Variants in HIPK2 observed in about 807,000 individuals in gnomAD.
HIPK2 encodes the protein homeodomain interacting protein kinase 2.
HIPK2 carries 27 observed loss-of-function variants against 113.7 expected under a neutral mutation model. The ratio of observed to expected loss-of-function variants is 0.24; its 90% CI spans 0.17 to 0.33. The LOEUF (loss-of-function observed/expected upper bound fraction) is 0.33, where lower values mean the gene tolerates loss of function less well. Ranked by LOEUF, HIPK2 falls within the 10% of genes least tolerant of loss-of-function variation. HIPK2 has a pLI of 1.00. For synonymous variants in HIPK2, 631 were observed against 642.2 expected, an observed-to-expected ratio of 0.98 and a Z score of 0.26; for missense variants, 1,257 against 1,588.0, an observed-to-expected ratio of 0.79 and a Z score of 3.54.
Position 139,568,062 on chromosome 7 carries a change from A to G in HIPK2, c.*4865T>C, listed in dbSNP as rs1329073975. ...TCACACGGCCTAAATCTTCCACCCC[A>G]AGCTTGTTCCAATATGAGTGTTTGC... On this transcript the variant is annotated 3_prime_UTR_variant, in exon 15 of 15. Transcript: ENST00000406875. 6.6e-6 allele frequency: 1 copy of G among 152,304 alleles called. No homozygotes were observed. Among genetic ancestry groups the G allele is most frequent in the East Asian group, 1.9e-4 (1 of 5,184 alleles). 9.4% of individuals were successfully genotyped at this position (152,304 alleles called of 1,614,324 possible). A position where few individuals can be genotyped will look rare whatever the true frequency, so the allele number is the denominator to read the frequency against.
rs1464448541 is a variant in HIPK2, at chr7:139,567,438, A to G, written c.*5489T>C. Reference sequence around the variant, plus strand: ...AAGGACAGAGAGGAAAGAGAAAGACAAATAGAATTGCATCACTAATGATGT... The same window carrying G: ...AAGGACAGAGAGGAAAGAGAAAGACGAATAGAATTGCATCACTAATGATGT... On this transcript the variant is annotated 3_prime_UTR_variant, in exon 15 of 15. Transcript: ENST00000406875. 1.3e-5 allele frequency: 2 copies of G among 152,162 alleles called. No homozygotes were observed. The highest frequency in any genetic ancestry group is 6.5e-5 in the Admixed American group (1 of 15,278). 9.4% of individuals were successfully genotyped at this position (152,162 alleles called of 1,614,324 possible).
intron 1 of HIPK2, among the ~76,000 whole-genome samples, chr7:139,731,243 C>T (rs909034503): frequency 3.9e-5 from 6 of 152,200 alleles, no homozygotes; most frequent in Non-Finnish European, 7.3e-5. Flanking sequence ...CTCAGCCTCC[C>T]GGCCTGTGTC....
chr7:139,671,558 GT>G (rs199821003), intron 2 of HIPK2, among the ~76,000 whole-genome samples: 7 of 147,764 alleles, frequency 4.7e-5, no homozygotes, highest in South Asian at 2.1e-4. Flanking sequence ...TGAGAATAAA[GT>G]TTTTTTTTTT....
chr7:139,582,922 G>C (rs1798715363), intron 13 of HIPK2, among the ~76,000 whole-genome samples: 1 of 152,236 alleles, frequency 6.6e-6, no homozygotes. Flanking sequence ...CTCACATGTG[G>C]TCACCACCCA....
At chr7:139,702,047 GAGAAAGA>G (rs1338344002) in intron 2 of HIPK2, among the ~76,000 whole-genome samples, 2 of 152,194 alleles carry the variant, frequency 1.3e-5, no homozygotes, top group African/African-American at 2.4e-5. Context: ...ACGAGGAGCA[GAGAAAGA>G]AGAACACGCT....
At chr7:139,657,732 A>C (rs1801722008) in intron 2 of HIPK2, among the ~76,000 whole-genome samples, 1 of 152,226 alleles carries the variant, frequency 6.6e-6, no homozygotes, top group East Asian at 1.9e-4. Context: ...GTAGCAGTTT[A>C]ATCTCTCCAA....
chr7:139,700,651 C>T (rs1174243727), intron 2 of HIPK2, among the ~76,000 whole-genome samples: 1 of 152,214 alleles, frequency 6.6e-6, no homozygotes, highest in African/African-American at 2.4e-5. Context: ...CTCCTCAGTT[C>T]ATTTCTCTCG....
Position 139,670,964 on chromosome 7 carries a change from T to C in HIPK2, c.1104-39239A>G, listed in dbSNP as rs553290593. Among the ~76,000 whole-genome samples the C allele has an allele frequency of 4.6e-5, 7 of 152,146 alleles. 1 individual carries two copies. The highest frequency in any genetic ancestry group is 1.7e-4 in the African/African-American group (7 of 41,528). ...TTGGTAGAGACAGGGTTTTGCCACG[T>C]TGTCCAGGCTGGTCTCCAACTCCTG... is the stretch of plus-strand genomic sequence containing the variant. On this transcript the variant is annotated intron_variant, in intron 2 of 14. Transcript: ENST00000406875.
chr7:139,601,949 C>CTT lies in HIPK2; in HGVS notation c.2256-1355_2256-1354dup, dbSNP rs1053542551. ...ACTTTAGAAACTCATATTATGGCTT[C>CTT]TTTTTTTTTTTTTTTTTTTTTGAGA... On this transcript the variant is annotated intron_variant, in intron 10 of 14. Transcript: ENST00000406875. 3.8e-3 allele frequency among the ~76,000 whole-genome samples: 437 copies of CTT among 116,290 alleles called. 7 individuals are homozygous for CTT. The highest frequency in any genetic ancestry group is 4.5e-3 in the Non-Finnish European group (251 of 55,936). 76.3% of individuals were successfully genotyped at this position (116,290 alleles called of 152,430 possible).
chr7:139,666,322 G>A (rs922884655), intron 2 of HIPK2, among the ~76,000 whole-genome samples: 5 of 152,188 alleles, frequency 3.3e-5, no homozygotes, highest in African/African-American at 1.2e-4. Flanking sequence ...GAGACTTGAG[G>A]AGCAGGGGCT....
Position 139,662,948 on chromosome 7 carries a change from C to T in HIPK2, c.1104-31223G>A, listed in dbSNP as rs1801918041. Among the ~76,000 whole-genome samples, 3 of 152,150 alleles carry T rather than the reference C, an allele frequency of 2.0e-5. 1 individual carries two copies. In the South Asian group the frequency reaches 6.2e-4, roughly 32 times the overall value. Reference sequence around the variant, plus strand: ...ATGCCACTTTCTTCATGTTGCCCTGCTGTTCAGACATTCCTGACACTATCC... The same window carrying T: ...ATGCCACTTTCTTCATGTTGCCCTGTTGTTCAGACATTCCTGACACTATCC... On this transcript the variant is annotated intron_variant, in intron 2 of 14. Coordinates refer to ENST00000406875, the MANE Select transcript of HIPK2 (RefSeq NM_022740.5).
intron 2 of HIPK2, among the ~76,000 whole-genome samples, chr7:139,682,256 T>G (rs926867407): frequency 2.0e-5 from 3 of 152,138 alleles, no homozygotes; most frequent in African/African-American, 7.2e-5. Flanking sequence ...ATGCCCTCAC[T>G]CACTCACTCA....
intron 2 of HIPK2, among the ~76,000 whole-genome samples, chr7:139,704,421 C>T (rs1348586509): frequency 6.7e-6 from 1 of 149,272 alleles, no homozygotes; most frequent in South Asian, 2.1e-4. Flanking sequence ...CCCCTCCACA[C>T]CCACACTATA....
At chr7:139,775,576 A>C (rs1253337776) in intron 1 of HIPK2, among the ~76,000 whole-genome samples, 2 of 152,160 alleles carry the variant, frequency 1.3e-5, no homozygotes, top group African/African-American at 2.4e-5. Flanking sequence ...AGATGGAGGG[A>C]AACTGAGGGC....
intron 1 of HIPK2, among the ~76,000 whole-genome samples, chr7:139,749,949 C>T (rs1796253774): frequency 6.6e-6 from 1 of 152,194 alleles, no homozygotes; most frequent in Non-Finnish European, 1.5e-5. Flanking sequence ...AACTCTCTTC[C>T]CTAACCTCTT....
At chr7:139,590,519 C>T (rs1798982232) in intron 12 of HIPK2, among the ~76,000 whole-genome samples, 2 of 152,204 alleles carry the variant, frequency 1.3e-5, no homozygotes, top group Admixed American at 1.3e-4. Context: ...AAACTCATCT[C>T]CTCCAATAAC....
chr7:139,632,617 C>T (rs927401713), intron 2 of HIPK2, among the ~76,000 whole-genome samples: 24 of 152,232 alleles, frequency 1.6e-4, no homozygotes, highest in South Asian at 4.2e-4. Flanking sequence ...AAGGAAATCA[C>T]CTAAACCCCA....
intron 2 of HIPK2, among the ~76,000 whole-genome samples, chr7:139,685,753 G>A (rs1191006606): frequency 2.0e-5 from 3 of 152,184 alleles, no homozygotes; most frequent in Non-Finnish European, 2.9e-5. Context: ...CTGGTTTACT[G>A]AATATTTTAA....
At position 139,716,637 on chromosome 7, in the gene HIPK2, C is replaced by T. The variant is rs1795252276; in HGVS notation, c.398G>A (p.Arg133His). ...LDTYQKCGLK[R>H]KSEEIENTSS... ...TGTGTTCTCGATCTCCTCGCTCTTA[C>T]GCTTGAGTCCACATTTTTGGTAGGT... Residue 133 changes from arginine (R) to histidine (H), a missense_variant, in exon 2 of 15, where the codon CGT becomes CAT. Physicochemically the swap from Arg to His is conservative, Grantham distance 29. Transcript: ENST00000406875. This position sits in a 1 kb window ranked among gnomAD's most constrained non-coding sequence, Gnocchi z 9.3. 4 of 1,613,976 alleles carry T rather than the reference C, an allele frequency of 2.5e-6. No homozygotes were observed. The highest frequency in any genetic ancestry group is 1.7e-5 in the Admixed American group (1 of 60,026).
Sources: allele counts gnomAD v4.1 joint callset (sites outside exome capture counted in the v4.1 genomes callset), GRCh38; gene constraint gnomAD v4.1.1; non-coding constraint Gnocchi (gnomAD v3.1); transcripts MANE v1.5; gene names NCBI Gene and HGNC (gene_info 2026-07-23, HGNC 2026-07-21).